The following TEX264 variants were observed in gnomAD, a reference collection of about 807,000 sequenced individuals.
The protein encoded by TEX264 is testis expressed 264, ER-phagy receptor.
Under a neutral mutation model 23.4 loss-of-function variants are expected in TEX264, and 13 were observed. That is an observed-to-expected ratio of 0.56 (90% CI 0.36 to 0.88). The LOEUF is 0.88. Ranked by LOEUF, TEX264 falls within the 40% of genes least tolerant of loss-of-function variation. TEX264 has a pLI of 0.01. For synonymous variants in TEX264, 159 were observed against 170.0 expected (o/e 0.94, Z 0.50); for missense variants, 340 against 406.8 (o/e 0.84, Z 1.41).
At chr3:51,696,177 C>T (rs977043146) in intron 3 of TEX264, among the ~76,000 whole-genome samples, 2 of 152,112 alleles carry the variant, frequency 1.3e-5, no homozygotes, top group Non-Finnish European at 2.9e-5. Flanking sequence ...CCAGTGGTGT[C>T]AGTGGCAGAG....
chr3:51,700,144 C>T (rs1703237820), intron 4 of TEX264, among the ~76,000 whole-genome samples: 1 of 152,186 alleles, frequency 6.6e-6, no homozygotes, highest in Non-Finnish European at 1.5e-5. Context: ...AGCCTCAAGG[C>T]CCCAGGTCCA....
At chr3:51,701,301 C>A (rs747973206) in intron 4 of TEX264, among the ~76,000 whole-genome samples, 18 of 91,858 alleles carry the variant, frequency 2.0e-4, no homozygotes, top group East Asian at 3.1e-4. Flanking sequence ...TATAGGGATG[C>A]TACTTCCCCG....
At chr3:51,702,515 A>G (rs1703348395) in intron 4 of TEX264, among the ~76,000 whole-genome samples, 2 of 151,856 alleles carry the variant, frequency 1.3e-5, no homozygotes, top group South Asian at 2.1e-4. Flanking sequence ...CCCCCAACCT[A>G]GGCCCCATTT....
chr3:51,692,263 C>T (rs984731764), intron 3 of TEX264, among the ~76,000 whole-genome samples: 13 of 152,194 alleles, frequency 8.5e-5, no homozygotes, highest in Non-Finnish European at 1.9e-4. Context: ...TGTTGCTCTT[C>T]TCCAGGAAGC....
At chr3:51,700,406 C>T (rs550894334) in intron 4 of TEX264, among the ~76,000 whole-genome samples, 5 of 152,108 alleles carry the variant, frequency 3.3e-5, no homozygotes, top group African/African-American at 1.2e-4. Flanking sequence ...CCTAGGGAGA[C>T]GTGTCAGCTA....
chr3:51,685,755 T>C (rs1702600868), intron 3 of TEX264, among the ~76,000 whole-genome samples: 2 of 152,226 alleles, frequency 1.3e-5, no homozygotes, highest in African/African-American at 2.4e-5. Flanking sequence ...GTGGAGATGC[T>C]TAGGCCTGGG....
rs1702640366 is a variant in TEX264 at position 51,686,850 on chromosome 3, A to G, written c.480+2216A>G. ...CTGGAGGGGCACCCCTGGGAAAGAG[A>G]CTTCTTGGGTTCCAGACCTCAGAAC... On this transcript the variant is annotated intron_variant, in intron 3 of 4. Coordinates refer to ENST00000341333, the MANE Select transcript of TEX264 (RefSeq NM_015926.6). This position sits in a 1 kb window ranked among gnomAD's most constrained non-coding sequence, Gnocchi z 4.1. Among the ~76,000 whole-genome samples the G allele has an allele frequency of 6.6e-6, 1 of 152,038 alleles. No individual in the cohort carries two copies. Among genetic ancestry groups the G allele is most frequent in the South Asian group, 2.1e-4 (1 of 4,818 alleles).
chr3:51,677,416 G>T (rs1702268417), intron 2 of TEX264, among the ~76,000 whole-genome samples: 1 of 152,148 alleles, frequency 6.6e-6, no homozygotes, highest in Non-Finnish European at 1.5e-5. Context: ...GGTTCTCAGA[G>T]AAAGAGAATA....
Position 51,686,007 on chromosome 3 carries a change from A to T in TEX264, c.480+1373A>T, listed in dbSNP as rs1273556323. Among the ~76,000 whole-genome samples the T allele has an allele frequency of 2.6e-5, 4 of 152,136 alleles. No individual in the cohort carries two copies. Among genetic ancestry groups the T allele is most frequent in the African/African-American group, 9.7e-5 (4 of 41,412 alleles). ...AGTATGTAGTGATGCTTTCACTGAC[A>T]TGTGGGGAACTGAGGGAGGCCCTGG... On this transcript the variant is annotated intron_variant, in intron 3 of 4. Transcript: ENST00000341333. The surrounding 1 kb of genome is among the most constrained non-coding windows in gnomAD (Gnocchi z 4.1).
intron 3 of TEX264, among the ~76,000 whole-genome samples, chr3:51,694,304 T>C (rs1399512101): frequency 6.6e-6 from 1 of 152,086 alleles, no homozygotes. Context: ...TTAATTTTTG[T>C]ATTTGTAGTA....
At chr3:51,699,134 G>A (rs1279689599) in intron 3 of TEX264, among the ~76,000 whole-genome samples, 2 of 152,200 alleles carry the variant, frequency 1.3e-5, no homozygotes, top group Non-Finnish European at 2.9e-5. Context: ...ACACATAGGA[G>A]AGCAGTGCCA....
At chr3:51,676,911 G>A (rs1366646006) in intron 2 of TEX264, among the ~76,000 whole-genome samples, 2 of 152,218 alleles carry the variant, frequency 1.3e-5, no homozygotes, top group Non-Finnish European at 2.9e-5. Flanking sequence ...TCCCAGTCCT[G>A]GGTCAGTCCA....
intron 1 of TEX264, among the ~76,000 whole-genome samples, chr3:51,672,662 G>A (rs1702089406): frequency 6.6e-6 from 1 of 152,198 alleles, no homozygotes; most frequent in African/African-American, 2.4e-5. Flanking sequence ...TGAGGGGCTG[G>A]AATCAGACTG....
intron 3 of TEX264, among the ~76,000 whole-genome samples, chr3:51,694,255 C>G (rs1425725511): frequency 6.6e-6 from 1 of 152,108 alleles, no homozygotes; most frequent in African/African-American, 2.4e-5. Flanking sequence ...CTCAGCCTCC[C>G]GGGTAGCTGG....
At position 51,704,005 on chromosome 3, in the gene TEX264, G is replaced by A. The variant is rs775057028; in HGVS notation, c.931G>A (p.Gly311Ser). The change falls in exon 5 of 5, where the codon GGC (glycine) becomes AGC (serine). Residue 311 changes from glycine (G) to serine (S), a missense_variant. Coordinates refer to ENST00000341333, the MANE Select transcript of TEX264 (RefSeq NM_015926.6). The stretch of plus-strand genomic sequence containing the variant: ...CTGGGAGCCCACTGCCCCTGAGAAG[G>A]GCAAGGAGTAACCCATGGCCTGCAC... ...WLWEPTAPEKGKE is the reference protein window; with the variant it reads ...WLWEPTAPEKSKE The A allele has an allele frequency of 5.9e-6, 9 of 1,528,758 alleles. No individual in the cohort carries two copies. The highest frequency in any genetic ancestry group is 7.9e-6 in the Non-Finnish European group (9 of 1,137,308). 94.7% of individuals were successfully genotyped at this position (1,528,758 alleles called of 1,614,324 possible). A position where few individuals can be genotyped will look rare whatever the true frequency, so the allele number is the denominator to read the frequency against.
At chr3:51,680,103 G>T (rs1702370726) in intron 2 of TEX264, among the ~76,000 whole-genome samples, 1 of 152,226 alleles carries the variant, frequency 6.6e-6, no homozygotes, top group South Asian at 2.1e-4. Flanking sequence ...CTCTGGGTCA[G>T]TGGGCTGGCA....
At chr3:51,677,115 C>T (rs1327135258) in intron 2 of TEX264, among the ~76,000 whole-genome samples, 1 of 152,232 alleles carries the variant, frequency 6.6e-6, no homozygotes, top group Non-Finnish European at 1.5e-5. Context: ...CCGGAAGGAC[C>T]TGAGGCCTCC....
intron 2 of TEX264, among the ~76,000 whole-genome samples, chr3:51,680,717 G>T (rs555367558): frequency 6.6e-6 from 1 of 152,336 alleles, no homozygotes; most frequent in Non-Finnish European, 1.5e-5. Context: ...TAGCTGATCT[G>T]GGGAGGAAGA....
intron 3 of TEX264, among the ~76,000 whole-genome samples, chr3:51,696,408 A>C (rs559752871): frequency 6.6e-6 from 1 of 152,320 alleles, no homozygotes; most frequent in Non-Finnish European, 1.5e-5. Flanking sequence ...GCCTTCCTCC[A>C]ATGATTTTCC....
Sources: gnomAD v4.1 joint callset for allele counts (sites outside exome capture counted in the v4.1 genomes callset) on GRCh38, gnomAD v4.1.1 for gene constraint, Gnocchi (gnomAD v3.1) non-coding constraint, MANE v1.5 for transcripts, NCBI Gene and HGNC (gene_info 2026-07-23, HGNC 2026-07-21) for gene names.